The following PRRG1 variants were observed in gnomAD, a reference collection of about 807,000 sequenced individuals.
The protein encoded by PRRG1 is transmembrane gamma-carboxyglutamic acid protein 1.
In PRRG1, 5 loss-of-function variants were observed where a neutral mutation model predicts 11.8. The observed-to-expected ratio is 0.42, with a 90% CI of 0.22 to 0.89. The LOEUF is 0.89. Ranked by LOEUF, PRRG1 falls within the 40% of genes least tolerant of loss-of-function variation. The probability of loss-of-function intolerance (pLI) is 0.28; values close to 1 mark genes in which losing one functional copy is unlikely to be tolerated. For synonymous variants in PRRG1, 66 were observed against 60.4 expected (o/e 1.09, Z -0.43); for missense variants, 155 against 166.1 (o/e 0.93, Z 0.37).
At chrX:37,450,992 TTTTTG>T (rs560769877) in intron 3 of PRRG1, among the ~76,000 whole-genome samples, 3,365 of 106,509 alleles carry the variant, frequency 0.032, 69 homozygotes, top group African/African-American at 0.067. Context: ...ATTTTTGCTG[TTTTTG>T]TTTTGTTTTG....
At chrX:37,365,006 C>A (rs1232052646) in intron 1 of PRRG1, among the ~76,000 whole-genome samples, 7 of 111,753 alleles carry the variant, frequency 6.3e-5, no homozygotes, top group Non-Finnish European at 1.3e-4. Context: ...TCTTTTTATT[C>A]CAAAAATGTT....
chrX:37,419,045 A>T (rs1296073833), intron 2 of PRRG1, among the ~76,000 whole-genome samples: 1 of 112,208 alleles, frequency 8.9e-6, no homozygotes. Flanking sequence ...GAGAATGAGA[A>T]TGGGTTTATT....
chrX:37,349,755 C>T (rs1465908509), intron 1 of PRRG1, among the ~76,000 whole-genome samples: 2 of 111,087 alleles, frequency 1.8e-5, no homozygotes, highest in East Asian at 5.7e-4. Flanking sequence ...GAGGGACGTC[C>T]CAAGCTCATC....
At chrX:37,433,762 A>T (rs1266916474) in intron 3 of PRRG1, among the ~76,000 whole-genome samples, 1 of 112,163 alleles carries the variant, frequency 8.9e-6, no homozygotes, top group East Asian at 2.8e-4. Flanking sequence ...AATTTAGTTT[A>T]TGGGAGGAAC....
At chrX:37,366,907 C>T (rs1556369468) in intron 1 of PRRG1, among the ~76,000 whole-genome samples, 6 of 111,454 alleles carry the variant, frequency 5.4e-5, no homozygotes, top group Non-Finnish European at 1.1e-4. Flanking sequence ...ATTTACACAA[C>T]TAGAAGGGCC....
At chrX:37,453,035 T>G in intron 3 of PRRG1, 101 bp from the exon 4 acceptor site, 1 of 992,915 alleles carries the variant, frequency 1.0e-6, no homozygotes, top group Admixed American at 3.9e-5. Context: ...TGGTTTTGGG[T>G]TTTTGTTCAT....
intron 1 of PRRG1, among the ~76,000 whole-genome samples, chrX:37,392,318 T>C (rs782359652): frequency 9.1e-6 from 1 of 109,984 alleles, no homozygotes; most frequent in African/African-American, 3.3e-5. Flanking sequence ...ATATTTATTC[T>C]CTAGCTTTTT....
intron 1 of PRRG1, among the ~76,000 whole-genome samples, chrX:37,389,690 G>T (rs1203982580): frequency 8.9e-6 from 1 of 111,932 alleles, no homozygotes; most frequent in Admixed American, 9.4e-5. Flanking sequence ...CCATGATCCA[G>T]TCACCTCCCA....
At chrX:37,375,961 T>C (rs1157538266) in intron 1 of PRRG1, among the ~76,000 whole-genome samples, 1 of 111,260 alleles carries the variant, frequency 9.0e-6, no homozygotes, top group Admixed American at 9.5e-5. Flanking sequence ...CTTCAGAAAG[T>C]TGGATTTTCT....
Position 37,450,588 on chromosome X carries a change from T to G in PRRG1, c.172-2548T>G, listed in dbSNP as rs191525439. Among the ~76,000 whole-genome samples the G allele has an allele frequency of 1.1e-3, 124 of 112,482 alleles. 2 individuals carry two copies. Among genetic ancestry groups the G allele is most frequent in the African/African-American group, 3.8e-3 (117 of 31,050 alleles). On this transcript the variant is annotated intron_variant, in intron 3 of 3. Coordinates refer to ENST00000378628, the MANE Select transcript of PRRG1 (RefSeq NM_001142395.2). ...AGATTAATCTTTGGGTATTCCAAAG[T>G]AATGTAGACAATATAAAAGAGCTAC...
At chrX:37,393,258 T>G (rs1430744349) in intron 1 of PRRG1, among the ~76,000 whole-genome samples, 1 of 109,115 alleles carries the variant, frequency 9.2e-6, no homozygotes, top group Non-Finnish European at 1.9e-5. Flanking sequence ...AAGTATTTAA[T>G]AATATACTTT....
chrX:37,426,826 G>C (rs1488543538), intron 3 of PRRG1, among the ~76,000 whole-genome samples: 1 of 111,904 alleles, frequency 8.9e-6, no homozygotes, highest in South Asian at 3.8e-4. Flanking sequence ...CATCCGCTTA[G>C]TCATTGTTGG....
intron 1 of PRRG1, among the ~76,000 whole-genome samples, chrX:37,350,263 C>G (rs1483251240): frequency 9.0e-6 from 1 of 111,649 alleles, no homozygotes; most frequent in African/African-American, 3.3e-5. Flanking sequence ...TTCTACGAGT[C>G]CCTTTAGGAG....
In PRRG1 at chrX:37,455,212, G is replaced by A. The variant is rs1921305174; in HGVS notation, c.*1591G>A. 9.0e-6 allele frequency: 1 copy of A among 111,630 alleles called. No individual in the cohort carries two copies. The highest frequency in any genetic ancestry group is 3.8e-4 in the South Asian group (1 of 2,615). 9.2% of individuals were successfully genotyped at this position (111,630 alleles called of 1,213,427 possible). A position where few individuals can be genotyped will look rare whatever the true frequency, so the allele number is the denominator to read the frequency against. ...CACATGCTTGCCACCACTGTACCTTGAGCAAGAATCATATCTGACCCTCAA... is the reference window on the plus strand; with the variant it reads ...CACATGCTTGCCACCACTGTACCTTAAGCAAGAATCATATCTGACCCTCAA... On this transcript the variant is annotated 3_prime_UTR_variant, in exon 4 of 4. Transcript: ENST00000378628.
intron 3 of PRRG1, chrX:37,441,999 G>A (rs1452779827): frequency 1.6e-5 from 12 of 768,239 alleles, no homozygotes; most frequent in African/African-American, 6.9e-5. Context: ...TGTGCAAGAC[G>A]TGAGCCCCAG....
chrX:37,416,695 G>A (rs1330626246), intron 2 of PRRG1, among the ~76,000 whole-genome samples: 2 of 112,056 alleles, frequency 1.8e-5, no homozygotes, highest in African/African-American at 6.5e-5. Context: ...TGGGAGCAAG[G>A]CATTGCTCTT....
intron 1 of PRRG1, among the ~76,000 whole-genome samples, chrX:37,383,923 A>G (rs1931234473): frequency 9.0e-6 from 1 of 110,508 alleles, no homozygotes; most frequent in Admixed American, 9.7e-5. Context: ...TAACTTTTTA[A>G]ACTGATTGTT....
intron 1 of PRRG1, among the ~76,000 whole-genome samples, chrX:37,380,890 A>C (rs1931131779): frequency 9.0e-6 from 1 of 111,635 alleles, no homozygotes; most frequent in Non-Finnish European, 1.9e-5. Context: ...GATTGATCCC[A>C]GGGCTGCACT....
At chrX:37,354,506 C>T (rs1166296630) in intron 1 of PRRG1, among the ~76,000 whole-genome samples, 2 of 108,811 alleles carry the variant, frequency 1.8e-5, no homozygotes, top group Non-Finnish European at 3.8e-5. Flanking sequence ...CATTCTCCTG[C>T]CTCAGCCTCC....
Sources: gnomAD v4.1 joint callset for allele counts (sites outside exome capture counted in the v4.1 genomes callset) on GRCh38, gnomAD v4.1.1 for gene constraint, MANE v1.5 for transcripts, NCBI Gene and HGNC (gene_info 2026-07-23, HGNC 2026-07-21) for gene names.